Variants in JPH3 observed in about 807,000 individuals in gnomAD.
JPH3 encodes the protein junctophilin 3, also known as junctophilin-3.
A neutral mutation model predicts 59.6 loss-of-function variants in JPH3; 11 were observed. The ratio of observed to expected loss-of-function variants is 0.18; its 90% CI spans 0.12 to 0.31. The LOEUF (loss-of-function observed/expected upper bound fraction) is 0.31. Ranked by LOEUF, JPH3 falls within the 10% of genes least tolerant of loss-of-function variation. The pLI, the probability that JPH3 is intolerant of heterozygous loss-of-function variation, is 1.00. For synonymous variants in JPH3, 673 were observed against 483.6 expected (o/e 1.39, Z -5.14); for missense variants, 1,202 against 1,105.7 (o/e 1.09, Z -1.24).
At chr16:87,615,647 G>A (rs2030928260) in intron 1 of JPH3, among the ~76,000 whole-genome samples, 1 of 152,196 alleles carries the variant, frequency 6.6e-6, no homozygotes, top group South Asian at 2.1e-4. Flanking sequence ...AACTCTGTGC[G>A]CATCTGGGTC....
intron 2 of JPH3, among the ~76,000 whole-genome samples, chr16:87,646,318 G>A (rs1030574669): frequency 3.9e-5 from 6 of 152,246 alleles, no homozygotes; most frequent in Admixed American, 1.3e-4. Flanking sequence ...GACTTCTATT[G>A]TTTTAGAGGG....
At chr16:87,641,905 G>T (rs906046549) in intron 1 of JPH3, among the ~76,000 whole-genome samples, 3 of 152,246 alleles carry the variant, frequency 2.0e-5, no homozygotes, top group Admixed American at 6.5e-5. Context: ...CCCAGCCACT[G>T]TCCTGAGTCT....
intron 2 of JPH3, among the ~76,000 whole-genome samples, chr16:87,669,808 C>T (rs1294563344): frequency 2.0e-5 from 3 of 152,194 alleles, no homozygotes; most frequent in East Asian, 3.9e-4. Flanking sequence ...GTGCGGCCTG[C>T]AGGCAGCCAG....
chr16:87,643,386 C>A (rs2032020539), intron 1 of JPH3, among the ~76,000 whole-genome samples: 1 of 149,858 alleles, frequency 6.7e-6, no homozygotes, highest in Admixed American at 6.7e-5. Context: ...CCCCACCCTC[C>A]CTTCTTCTGG....
At chr16:87,683,185 G>GGGA (rs2033336708) in intron 2 of JPH3, among the ~76,000 whole-genome samples, 1 of 152,252 alleles carries the variant, frequency 6.6e-6, no homozygotes, top group Non-Finnish European at 1.5e-5. Flanking sequence ...CCACACCGGG[G>GGGA]CAGTGGCAGG....
intron 2 of JPH3, among the ~76,000 whole-genome samples, chr16:87,670,404 T>C (rs1222335206): frequency 1.3e-5 from 2 of 152,144 alleles, no homozygotes; most frequent in African/African-American, 4.8e-5. Context: ...TGCTGCTCCC[T>C]GTGGTCCAGC....
At chr16:87,673,124 C>T (rs945236938) in intron 2 of JPH3, among the ~76,000 whole-genome samples, 6 of 150,590 alleles carry the variant, frequency 4.0e-5, no homozygotes, top group African/African-American at 1.5e-4. Flanking sequence ...CCAGACTGGG[C>T]GACACAGTGC....
rs774792818 is a variant in JPH3 at position 87,689,833 on chromosome 16, G to A, written c.1473G>A (p.Ala491=). ...GCCCCGCGGCCACCCCGCCGCCCGCGCCCGCCGCCAGGAACAAGGTCGCCC... is the reference window on the plus strand; with the variant it reads ...GCCCCGCGGCCACCCCGCCGCCCGCACCCGCCGCCAGGAACAAGGTCGCCC... The part of the protein sequence containing the change: ...PTSPAATPPP[A]PAARNKVAHF... The change falls in exon 4 of 5, where the codon GCG becomes GCA. Residue 491 remains alanine, a synonymous_variant. Transcript: ENST00000284262. 2.3e-5 allele frequency: 35 copies of A among 1,546,378 alleles called. No individual in the cohort carries two copies. The African/African-American group carries it at 4.4e-4, about 19-fold the overall frequency.
chr16:87,616,377 G>C (rs1157473649), intron 1 of JPH3, among the ~76,000 whole-genome samples: 1 of 151,224 alleles, frequency 6.6e-6, no homozygotes, highest in Non-Finnish European at 1.5e-5. Flanking sequence ...GGGACTACAG[G>C]CGCCCGCCAC....
intron 2 of JPH3, among the ~76,000 whole-genome samples, chr16:87,661,502 T>C (rs976589581): frequency 6.6e-6 from 1 of 152,158 alleles, no homozygotes; most frequent in Admixed American, 6.5e-5. Context: ...GGCTGGACTT[T>C]GGGGGTCCAG....
At chr16:87,603,967 G>T (rs538389139) in intron 1 of JPH3, 7 of 555,204 alleles carry the variant, frequency 1.3e-5, no homozygotes, top group Non-Finnish European at 1.6e-5. Flanking sequence ...TGGTGTTCCT[G>T]CGGCGCCCGA....
chr16:87,672,831 A>G (rs2150867583), intron 2 of JPH3, among the ~76,000 whole-genome samples: 2 of 152,316 alleles, frequency 1.3e-5, no homozygotes, highest in African/African-American at 4.8e-5. Context: ...CCTCATACCA[A>G]AATTATTCTA....
intron 2 of JPH3, among the ~76,000 whole-genome samples, chr16:87,647,962 T>C (rs528053092): frequency 1.8e-4 from 27 of 152,316 alleles, no homozygotes; most frequent in Non-Finnish European, 2.9e-4. Context: ...CTCCCCTCTC[T>C]GGGCTGGGTT....
intron 4 of JPH3, chr16:87,695,497 T>C: frequency 2.2e-6 from 1 of 454,670 alleles, no homozygotes; most frequent in Non-Finnish European, 4.4e-6. Context: ...GGGGTCTACA[T>C]CTCCTTCCAG....
At chr16:87,696,485 T>G in intron 4 of JPH3, 95 bp from the exon 5 acceptor site, 1 of 1,013,664 alleles carries the variant, frequency 9.9e-7, no homozygotes, top group Non-Finnish European at 1.5e-6. Flanking sequence ...CCCGAGGGTC[T>G]GCTAGCTTGG....
At chr16:87,676,197 G>C (rs1024155115) in intron 2 of JPH3, among the ~76,000 whole-genome samples, 6 of 152,186 alleles carry the variant, frequency 3.9e-5, no homozygotes, top group Non-Finnish European at 7.3e-5. Context: ...GTTTACCTTT[G>C]TATCAGCCGT....
intron 2 of JPH3, among the ~76,000 whole-genome samples, chr16:87,664,331 G>GGA (rs1555540287): frequency 0.067 from 8,568 of 127,764 alleles, 346 homozygotes; most frequent in Non-Finnish European, 0.097. Flanking sequence ...GACTCTGTCT[G>GGA]AAAAAAAAAA....
intron 1 of JPH3, among the ~76,000 whole-genome samples, chr16:87,617,086 C>T (rs147082549): frequency 2.7e-5 from 4 of 150,500 alleles, no homozygotes; most frequent in Admixed American, 6.6e-5. Context: ...TAGCCGGGTG[C>T]GGTGGTGCGT....
rs1347073629 is a variant in JPH3, at chr16:87,690,100, C to T, written c.1740C>T (p.Pro580=). The change falls in exon 4 of 5, where the codon CCC becomes CCT. Residue 580 remains proline (P), a synonymous_variant. Coordinates refer to ENST00000284262, the MANE Select transcript of JPH3 (RefSeq NM_020655.4). ...GGGAGCGGCGGACGGAGTCACCCCC[C>T]GTGTTCACGTGGACTTCCCACCACC... is the stretch of plus-strand genomic sequence containing the variant. ...KPRERRTESP[P]VFTWTSHHRA... 4.4e-6 allele frequency: 7 copies of T among 1,574,602 alleles called. No individual in the cohort carries two copies. Among genetic ancestry groups the T allele is most frequent in the Non-Finnish European group, 6.0e-6 (7 of 1,160,570 alleles).
Sources: allele counts gnomAD v4.1 joint callset (sites outside exome capture counted in the v4.1 genomes callset), GRCh38; gene constraint gnomAD v4.1.1; transcripts MANE v1.5; gene names NCBI Gene and HGNC (gene_info 2026-07-23, HGNC 2026-07-21).